The following TTLL11 variants were observed in gnomAD, a reference collection of about 807,000 sequenced individuals.
TTLL11 encodes tubulin tyrosine ligase like 11, also known as tubulin polyglutamylase TTLL11.
TTLL11 carries 42 observed loss-of-function variants against 51.7 expected under a neutral mutation model. The observed-to-expected ratio is 0.81, with a 90% CI of 0.64 to 1.05. The LOEUF (loss-of-function observed/expected upper bound fraction) is 1.05. Among genes scored for constraint, TTLL11 ranks in the 50% least tolerant of loss-of-function variants. The pLI is 0.00. For missense variants in TTLL11, 799 were observed against 940.4 expected (o/e 0.85, Z 1.97); for synonymous variants, 381 against 383.5 (o/e 0.99, Z 0.08).
intron 6 of TTLL11, among the ~76,000 whole-genome samples, chr9:121,876,989 G>A (rs1838589887): frequency 6.6e-6 from 1 of 152,234 alleles, no homozygotes; most frequent in Non-Finnish European, 1.5e-5. Context: ...GGCAGCTTTA[G>A]ACACACAGAT....
chr9:121,967,808 C>T (rs1842447035), intron 6 of TTLL11, among the ~76,000 whole-genome samples: 1 of 152,094 alleles, frequency 6.6e-6, no homozygotes, highest in South Asian at 2.1e-4. Context: ...TATTATTCAG[C>T]TGTAAAAAGG....
intron 6 of TTLL11, among the ~76,000 whole-genome samples, chr9:121,897,649 C>T (rs925702390): frequency 6.6e-6 from 1 of 151,468 alleles, no homozygotes; most frequent in Non-Finnish European, 1.5e-5. Context: ...CACGCGCGCG[C>T]GAAGTCTCCA....
rs1588044308 is a variant in TTLL11, at chr9:121,818,092, AGGG to A, written c.*4492_*4494del. On this transcript the variant is annotated 3_prime_UTR_variant, in exon 9 of 9. Coordinates refer to ENST00000321582, the MANE Select transcript of TTLL11 (RefSeq NM_001139442.2). ...GAACTCAACAACCCCACACAAACTCAGGGCAATGCAGAGTTGAAAGGAGGCTGG... is the reference window on the plus strand; with the variant it reads ...GAACTCAACAACCCCACACAAACTCACAATGCAGAGTTGAAAGGAGGCTGG... 1 of 152,272 alleles carries A rather than the reference AGGG, an allele frequency of 6.6e-6. No homozygotes were observed. Among genetic ancestry groups the A allele is most frequent in the East Asian group, 1.9e-4 (1 of 5,198 alleles). 9.4% of individuals were successfully genotyped at this position (152,272 alleles called of 1,614,324 possible).
At chr9:122,066,672 C>T (rs1845592175) in intron 1 of TTLL11, among the ~76,000 whole-genome samples, 1 of 152,182 alleles carries the variant, frequency 6.6e-6, no homozygotes, top group Non-Finnish European at 1.5e-5. Flanking sequence ...TCTACACAAT[C>T]GGTAAAACTT....
intron 3 of TTLL11, among the ~76,000 whole-genome samples, chr9:121,994,248 G>A (rs1438280565): frequency 1.3e-5 from 2 of 152,174 alleles, no homozygotes; most frequent in Non-Finnish European, 1.5e-5. Context: ...ATGAAGGCAG[G>A]AGCGGGCAGG....
At chr9:121,921,489 T>C (rs373746507) in intron 6 of TTLL11, among the ~76,000 whole-genome samples, 6 of 152,278 alleles carry the variant, frequency 3.9e-5, no homozygotes, top group African/African-American at 1.4e-4. Flanking sequence ...AAGTAACAAT[T>C]TTTTTTCCTA....
intron 1 of TTLL11, among the ~76,000 whole-genome samples, chr9:122,043,297 T>C (rs1430742055): frequency 6.6e-6 from 1 of 152,158 alleles, no homozygotes; most frequent in African/African-American, 2.4e-5. Flanking sequence ...AAGACAGATA[T>C]AGAGGACAGT....
intron 3 of TTLL11, among the ~76,000 whole-genome samples, chr9:122,014,271 AG>A (rs1843900928): frequency 6.6e-6 from 1 of 152,172 alleles, no homozygotes; most frequent in Admixed American, 6.5e-5. Flanking sequence ...AGGCTGAGGC[AG>A]GAAAATTGCT....
intron 6 of TTLL11, among the ~76,000 whole-genome samples, chr9:121,875,400 C>A (rs962987995): frequency 6.6e-6 from 1 of 152,158 alleles, no homozygotes; most frequent in Non-Finnish European, 1.5e-5. Flanking sequence ...GTTTTTTCTT[C>A]TAGCGACAGC....
At chr9:121,923,791 T>C (rs980643938) in intron 6 of TTLL11, among the ~76,000 whole-genome samples, 2 of 152,248 alleles carry the variant, frequency 1.3e-5, no homozygotes, top group Non-Finnish European at 1.5e-5. Context: ...ACTCTGGTTT[T>C]CATCCTCAAC....
intron 3 of TTLL11, among the ~76,000 whole-genome samples, chr9:122,015,531 G>A (rs1334452728): frequency 6.6e-6 from 1 of 152,144 alleles, no homozygotes; most frequent in African/African-American, 2.4e-5. Context: ...TCGGCCTCCA[G>A]GGATGCCGTG....
intron 6 of TTLL11, among the ~76,000 whole-genome samples, chr9:121,969,925 G>A (rs1191290896): frequency 6.6e-6 from 1 of 152,120 alleles, no homozygotes; most frequent in Non-Finnish European, 1.5e-5. Flanking sequence ...TCCTCTGCAT[G>A]GTAAGTTTAT....
chr9:121,846,573 C>G (rs1837519831), intron 8 of TTLL11, among the ~76,000 whole-genome samples: 1 of 151,980 alleles, frequency 6.6e-6, no homozygotes, highest in Non-Finnish European at 1.5e-5. Context: ...GAATAGAGAT[C>G]ATACAAAAAA....
At chr9:121,965,488 C>A (rs1297861950) in intron 6 of TTLL11, among the ~76,000 whole-genome samples, 1 of 152,120 alleles carries the variant, frequency 6.6e-6, no homozygotes, top group African/African-American at 2.4e-5. Context: ...GGGGAAACTG[C>A]CCCCATGATC....
chr9:121,944,236 G>C (rs1198159790), intron 6 of TTLL11, among the ~76,000 whole-genome samples: 1 of 152,162 alleles, frequency 6.6e-6, no homozygotes, highest in Non-Finnish European at 1.5e-5. Flanking sequence ...GGCCTGGTGC[G>C]GTGGCTCACG....
intron 6 of TTLL11, among the ~76,000 whole-genome samples, chr9:121,965,485 C>T (rs958209904): frequency 2.6e-5 from 4 of 152,318 alleles, no homozygotes; most frequent in Admixed American, 2.0e-4. Flanking sequence ...ATGGGGGAAA[C>T]TGCCCCCATG....
chr9:121,909,344 G>A (rs1588116850), intron 6 of TTLL11, among the ~76,000 whole-genome samples: 1 of 152,046 alleles, frequency 6.6e-6, no homozygotes, highest in African/African-American at 2.4e-5. Flanking sequence ...CTGCCGCCGT[G>A]CTCCTTGAGA....
chr9:121,849,213 G>A (rs1007730734), intron 8 of TTLL11, among the ~76,000 whole-genome samples: 2 of 152,194 alleles, frequency 1.3e-5, no homozygotes, highest in African/African-American at 4.8e-5. Flanking sequence ...AAATAAATAA[G>A]AGAATCTAAA....
At chr9:122,037,918 T>C (rs973471346) in intron 2 of TTLL11, among the ~76,000 whole-genome samples, 2 of 152,198 alleles carry the variant, frequency 1.3e-5, no homozygotes, top group African/African-American at 2.4e-5. Context: ...TACCACCCCC[T>C]GTATAACGTA....
Sources: allele counts gnomAD v4.1 joint callset (sites outside exome capture counted in the v4.1 genomes callset), GRCh38; gene constraint gnomAD v4.1.1; transcripts MANE v1.5; gene names NCBI Gene and HGNC (gene_info 2026-07-23, HGNC 2026-07-21).